The following RSRC1 variants were observed in gnomAD, a reference collection of about 807,000 sequenced individuals.
RSRC1 encodes the protein arginine and serine rich coiled-coil 1.
A neutral mutation model predicts 49.1 loss-of-function variants in RSRC1; 39 were observed. The ratio of observed to expected loss-of-function variants is 0.79; its 90% CI spans 0.61 to 1.04. The LOEUF (loss-of-function observed/expected upper bound fraction) is 1.04, where lower values mean the gene tolerates loss of function less well. Among genes scored for constraint, RSRC1 ranks in the 50% least tolerant of loss-of-function variants. The probability of loss-of-function intolerance (pLI) is 0.00; values close to 1 mark genes in which losing one functional copy is unlikely to be tolerated. For missense variants in RSRC1, 388 were observed against 402.4 expected (o/e 0.96, Z 0.31); for synonymous variants, 143 against 130.8 (o/e 1.09, Z -0.63).
At chr3:158,389,711 A>G (rs1444821441) in intron 6 of RSRC1, among the ~76,000 whole-genome samples, 1 of 152,210 alleles carries the variant, frequency 6.6e-6, no homozygotes, top group African/African-American at 2.4e-5. Flanking sequence ...GTGTTTATGT[A>G]TAATTAGGTT....
intron 5 of RSRC1, among the ~76,000 whole-genome samples, chr3:158,314,605 T>C (rs1032182974): frequency 6.6e-6 from 1 of 152,134 alleles, no homozygotes; most frequent in Non-Finnish European, 1.5e-5. Flanking sequence ...GCTTTCTAGA[T>C]AGACAAAGAA....
chr3:158,268,063 A>G (rs1197180930), intron 4 of RSRC1, among the ~76,000 whole-genome samples: 1 of 151,930 alleles, frequency 6.6e-6, no homozygotes. Context: ...GCTCTGTGGC[A>G]TAGTCTTTTC....
intron 3 of RSRC1, among the ~76,000 whole-genome samples, chr3:158,161,813 C>T (rs777071868): frequency 6.6e-6 from 1 of 151,938 alleles, no homozygotes; most frequent in Non-Finnish European, 1.5e-5. Context: ...CAAACAGAAA[C>T]ATGCCTGAAA....
At chr3:158,361,065 T>C (rs1328507741) in intron 6 of RSRC1, among the ~76,000 whole-genome samples, 1 of 152,130 alleles carries the variant, frequency 6.6e-6, no homozygotes, top group Non-Finnish European at 1.5e-5. Context: ...TCCTCACCCA[T>C]GTGGCAGCTT....
intron 3 of RSRC1, among the ~76,000 whole-genome samples, chr3:158,133,337 TAGAG>T (rs1716159834): frequency 6.6e-6 from 1 of 152,192 alleles, no homozygotes. Context: ...AATATGTGCT[TAGAG>T]AGCAATTATT....
chr3:158,304,466 T>C (rs890838919), intron 5 of RSRC1, among the ~76,000 whole-genome samples: 1 of 152,182 alleles, frequency 6.6e-6, no homozygotes, highest in Non-Finnish European at 1.5e-5. Context: ...AAATAGATTG[T>C]AAACTCTAAA....
At chr3:158,132,346 T>C (rs1396506529) in intron 3 of RSRC1, 1 of 153,616 alleles carries the variant, frequency 6.5e-6, no homozygotes, top group South Asian at 2.0e-4. Context: ...TTACTTCTAA[T>C]TTATCATATT....
intron 3 of RSRC1, among the ~76,000 whole-genome samples, chr3:158,185,747 T>C (rs962537820): frequency 5.3e-5 from 8 of 151,976 alleles, no homozygotes; most frequent in African/African-American, 1.9e-4. Context: ...CTTTGTAATT[T>C]AAATGCCTTT....
intron 5 of RSRC1, among the ~76,000 whole-genome samples, chr3:158,312,498 A>G (rs995441655): frequency 2.0e-5 from 3 of 152,242 alleles, no homozygotes; most frequent in Admixed American, 1.3e-4. Flanking sequence ...CCAAATAAAT[A>G]TATAACAAGC....
In RSRC1 at chr3:158,513,926, C is replaced by T. The variant is rs569315695; in HGVS notation, c.653-23166C>T. Among the ~76,000 whole-genome samples the T allele has an allele frequency of 4.5e-4, 68 of 152,258 alleles. 1 individual carries two copies. The highest frequency in any genetic ancestry group is 1.3e-4 in the Non-Finnish European group (9 of 68,016). On this transcript the variant is annotated intron_variant, in intron 7 of 9. Coordinates refer to ENST00000611884, the MANE Select transcript of RSRC1 (RefSeq NM_001271838.2). The stretch of plus-strand genomic sequence containing the variant: ...TGCGTAGAGGTGTTGGCAGTATTCT[C>T]TGATGGTAGTTTGTATTTCTGTGGG...
chr3:158,542,221 A>G (rs1315060288), intron 8 of RSRC1, among the ~76,000 whole-genome samples: 1 of 152,234 alleles, frequency 6.6e-6, no homozygotes, highest in Non-Finnish European at 1.5e-5. Flanking sequence ...ACATGCTGCA[A>G]CATGGATGAA....
At chr3:158,449,509 ATT>A (rs1736900889) in intron 6 of RSRC1, among the ~76,000 whole-genome samples, 1 of 151,916 alleles carries the variant, frequency 6.6e-6, no homozygotes, top group African/African-American at 2.4e-5. Context: ...AGGATTCTGT[ATT>A]GTGTTGCCCA....
intron 7 of RSRC1, among the ~76,000 whole-genome samples, chr3:158,517,064 G>T (rs545471661): frequency 6.6e-6 from 1 of 152,170 alleles, no homozygotes; most frequent in African/African-American, 2.4e-5. Flanking sequence ...CTTCTGCGTC[G>T]CTCACGCTGG....
chr3:158,168,552 T>C (rs1000503380), intron 3 of RSRC1, among the ~76,000 whole-genome samples: 4 of 152,230 alleles, frequency 2.6e-5, no homozygotes, highest in Non-Finnish European at 5.9e-5. Context: ...TTTTTATTTA[T>C]AGATTTTTTA....
intron 5 of RSRC1, among the ~76,000 whole-genome samples, chr3:158,345,036 T>C (rs1730467887): frequency 6.6e-6 from 1 of 151,388 alleles, no homozygotes; most frequent in Non-Finnish European, 1.5e-5. Flanking sequence ...CTGGCCAACA[T>C]GGTGAAACCC....
At chr3:158,446,746 A>AT (rs1232662178) in intron 6 of RSRC1, among the ~76,000 whole-genome samples, 1 of 152,006 alleles carries the variant, frequency 6.6e-6, no homozygotes, top group Non-Finnish European at 1.5e-5. Flanking sequence ...TTAAGCTGCC[A>AT]TTACTATTGC....
At chr3:158,163,607 T>A (rs1718367070) in intron 3 of RSRC1, among the ~76,000 whole-genome samples, 1 of 152,058 alleles carries the variant, frequency 6.6e-6, no homozygotes, top group Non-Finnish European at 1.5e-5. Context: ...CAAAGATGGA[T>A]GGGTGAAGAT....
chr3:158,461,627 A>G (rs1737618300), intron 7 of RSRC1, among the ~76,000 whole-genome samples: 1 of 151,802 alleles, frequency 6.6e-6, no homozygotes, highest in South Asian at 2.1e-4. Flanking sequence ...GATTATATAC[A>G]TATACTGTTC....
chr3:158,172,774 A>G (rs1718950072), intron 3 of RSRC1, among the ~76,000 whole-genome samples: 1 of 152,162 alleles, frequency 6.6e-6, no homozygotes, highest in African/African-American at 2.4e-5. Context: ...TTAAAAATTC[A>G]TTGTTAATTG....
Sources: gnomAD v4.1 joint callset for allele counts (sites outside exome capture counted in the v4.1 genomes callset) on GRCh38, gnomAD v4.1.1 for gene constraint, MANE v1.5 for transcripts, NCBI Gene and HGNC (gene_info 2026-07-23, HGNC 2026-07-21) for gene names.